Variants in TMPRSS11F observed in about 807,000 individuals in gnomAD.
The protein encoded by TMPRSS11F is transmembrane serine protease 11F.
A neutral mutation model predicts 60.2 loss-of-function variants in TMPRSS11F; 47 were observed. The observed-to-expected ratio is 0.78, with a 90% confidence interval of 0.62 to 1.00. TMPRSS11F has a LOEUF of 1.00. Ranked by LOEUF, TMPRSS11F falls within the 50% of genes least tolerant of loss-of-function variation. The probability of loss-of-function intolerance (pLI) is 0.00; values close to 1 mark genes in which losing one functional copy is unlikely to be tolerated. For missense variants in TMPRSS11F, 519 were observed against 522.9 expected, an observed-to-expected ratio of 0.99 and a Z score of 0.07; for synonymous variants, 166 against 167.3, an observed-to-expected ratio of 0.99 and a Z score of 0.06.
At chr4:68,116,704 C>T (rs2109885326) in intron 1 of TMPRSS11F, among the ~76,000 whole-genome samples, 1 of 152,228 alleles carries the variant, frequency 6.6e-6, no homozygotes, top group African/African-American at 2.4e-5. Context: ...TCTATGCCAA[C>T]TGATATTTGA....
At chr4:68,101,147 A>C (rs1724182801) in intron 1 of TMPRSS11F, among the ~76,000 whole-genome samples, 1 of 152,022 alleles carries the variant, frequency 6.6e-6, no homozygotes, top group South Asian at 2.1e-4. Flanking sequence ...TTAAAAAATC[A>C]TAGTCACATT....
chr4:68,088,064 G>C (rs1723852041), intron 3 of TMPRSS11F, among the ~76,000 whole-genome samples: 2 of 151,824 alleles, frequency 1.3e-5, no homozygotes, highest in African/African-American at 4.8e-5. Context: ...ATTTCTTATG[G>C]CTGCTTAGTA....
intron 3 of TMPRSS11F, among the ~76,000 whole-genome samples, chr4:68,086,205 A>G (rs759533337): frequency 1.3e-5 from 2 of 152,158 alleles, no homozygotes; most frequent in Non-Finnish European, 2.9e-5. Context: ...AACAATAGAA[A>G]TCATTACCAA....
intron 4 of TMPRSS11F, 98 bp downstream of exon 4, chr4:68,073,844 T>C (rs986383960): frequency 1.5e-6 from 1 of 680,850 alleles, no homozygotes; most frequent in African/African-American, 1.9e-5. Flanking sequence ...AATCTCTGTG[T>C]TGCTGTAAAG....
intron 2 of TMPRSS11F, among the ~76,000 whole-genome samples, chr4:68,091,757 C>CTATCTATCTATCTATCTATCTA (rs1247094446): frequency 1.6e-4 from 17 of 106,590 alleles, no homozygotes; most frequent in African/African-American, 6.0e-4. Context: ...ATCTCTCTCT[C>CTATCTATCTATCTATCTATCTA]TCTCTCTCTC....
At chr4:68,076,875 G>A (rs965571482) in intron 3 of TMPRSS11F, among the ~76,000 whole-genome samples, 1 of 152,154 alleles carries the variant, frequency 6.6e-6, no homozygotes, top group Admixed American at 6.5e-5. Flanking sequence ...CGTTGTCAAT[G>A]GTAAATACAT....
At chr4:68,087,061 A>G (rs1235375036) in intron 3 of TMPRSS11F, among the ~76,000 whole-genome samples, 1 of 152,136 alleles carries the variant, frequency 6.6e-6, no homozygotes, top group Non-Finnish European at 1.5e-5. Context: ...TTTGACAAAG[A>G]TACGTGAAAA....
intron 3 of TMPRSS11F, among the ~76,000 whole-genome samples, chr4:68,084,015 C>T (rs1376552491): frequency 6.6e-6 from 1 of 152,070 alleles, no homozygotes; most frequent in Non-Finnish European, 1.5e-5. Context: ...AAATTTACTA[C>T]AGGAATTTTA....
At chr4:68,064,615 C>A in intron 8 of TMPRSS11F, 70 bp downstream of exon 8, 2 of 1,526,306 alleles carry the variant, frequency 1.3e-6, no homozygotes, top group South Asian at 2.5e-5. Flanking sequence ...AAGAGGGATT[C>A]TTTAAGATAG....
chr4:68,088,600 G>A (rs1036865061), intron 3 of TMPRSS11F, among the ~76,000 whole-genome samples: 37 of 152,040 alleles, frequency 2.4e-4, no homozygotes, highest in African/African-American at 8.2e-4. Context: ...ATTTTTTTCA[G>A]CACCACACCA....
intron 8 of TMPRSS11F, chr4:68,061,676 C>T: frequency 2.6e-6 from 1 of 377,708 alleles, no homozygotes; most frequent in Non-Finnish European, 5.2e-6. Context: ...TGTATTTTCA[C>T]ATTACTGCAA....
Position 68,079,261 on chromosome 4 carries a change from A to T in TMPRSS11F, c.283-5252T>A, listed in dbSNP as rs140136998. Among the ~76,000 whole-genome samples the T allele has an allele frequency of 1.4e-4, 21 of 152,102 alleles. No individual in the cohort carries two copies. In the East Asian group the frequency reaches 4.1e-3, roughly 30 times the overall value. ...GATATATAATCTTGTCTAAGGTGGC[A>T]CAGGAAGTGGTGGCTCTGTAATATG... On this transcript the variant is annotated intron_variant, in intron 3 of 9. Transcript: ENST00000356291.
chr4:68,069,801 A>G (rs1421928311), intron 6 of TMPRSS11F, among the ~76,000 whole-genome samples, 168 bp downstream of exon 6: 1 of 152,148 alleles, frequency 6.6e-6, no homozygotes, highest in Admixed American at 6.5e-5. Context: ...AAATTTATAA[A>G]TTTAAATACT....
chr4:68,095,600 A>T (rs1439192308), intron 2 of TMPRSS11F, among the ~76,000 whole-genome samples: 1 of 152,168 alleles, frequency 6.6e-6, no homozygotes, highest in Non-Finnish European at 1.5e-5. Context: ...CATGATGATA[A>T]AAAAGCACAT....
chr4:68,109,283 C>T (rs539456270), intron 1 of TMPRSS11F, among the ~76,000 whole-genome samples: 16 of 152,104 alleles, frequency 1.1e-4, no homozygotes, highest in Admixed American at 5.2e-4. Context: ...AGTACCCGGC[C>T]GGTACTCCAG....
chr4:68,074,168 C>T (rs1004868665), intron 3 of TMPRSS11F, among the ~76,000 whole-genome samples, 159 bp from the exon 4 acceptor site: 4 of 152,008 alleles, frequency 2.6e-5, no homozygotes, highest in Admixed American at 1.3e-4. Flanking sequence ...CAGCTTATTC[C>T]CAGTCATGTT....
intron 3 of TMPRSS11F, chr4:68,080,861 T>C (rs899388398): frequency 6.6e-6 from 1 of 152,218 alleles, no homozygotes; most frequent in African/African-American, 2.4e-5. Flanking sequence ...TATGCATCTA[T>C]TTCAATGTCT....
Position 68,059,341 on chromosome 4 carries a change from T to C in TMPRSS11F, c.1143A>G (p.Lys381=). 6.2e-7 allele frequency: 1 copy of C among 1,613,844 alleles called. No homozygotes were observed. The highest frequency in any genetic ancestry group is 8.5e-7 in the Non-Finnish European group (1 of 1,179,958). Residue 381 remains lysine, a synonymous_variant, in exon 9 of 10, where the codon AAA becomes AAG. Transcript: ENST00000356291. ...GMLCAGFMEG[K]IDACKGDSGG... is the part of the protein sequence containing the mutation. ...TTAAACTTACCTTACATGCATCTAT[T>C]TTTCCTTCCATGAATCCAGCACATA...
chr4:68,090,832 A>G (rs971449005), intron 2 of TMPRSS11F, among the ~76,000 whole-genome samples, 191 bp from the exon 3 acceptor site: 1 of 152,154 alleles, frequency 6.6e-6, no homozygotes, highest in Non-Finnish European at 1.5e-5. Context: ...AAAAATTCTG[A>G]TCCCAAAGTA....
Sources: gnomAD v4.1 joint callset for allele counts (sites outside exome capture counted in the v4.1 genomes callset) on GRCh38, gnomAD v4.1.1 for gene constraint, MANE v1.5 for transcripts, NCBI Gene and HGNC (gene_info 2026-07-23, HGNC 2026-07-21) for gene names.